The following SAMD11 variants were observed in gnomAD, a reference collection of about 807,000 sequenced individuals.
SAMD11 encodes the protein sterile alpha motif domain-containing protein 11.
SAMD11 carries 77 observed loss-of-function variants against 64.4 expected under a neutral mutation model. The ratio of observed to expected loss-of-function variants is 1.20; its 90% CI spans 0.99 to 1.44. SAMD11 has a LOEUF of 1.44. Ranked by LOEUF, SAMD11 falls within the 40% of genes most tolerant of loss-of-function variation. SAMD11 has a pLI of 0.00. For missense variants in SAMD11, 1,402 were observed against 943.3 expected (o/e 1.49, Z -6.37); for synonymous variants, 658 against 421.9 (o/e 1.56, Z -6.86).
At chr1:926,195 C>G (rs1005890752) in intron 2 of SAMD11, among the ~76,000 whole-genome samples, 182 bp downstream of exon 2, 4 of 152,194 alleles carry the variant, frequency 2.6e-5, no homozygotes, top group African/African-American at 9.6e-5. Flanking sequence ...TCTACCTGGA[C>G]GGGGGAGGAG....
chr1:930,947 G>C, intron 3 of SAMD11, 92 bp from the exon 4 acceptor site: 1 of 1,298,892 alleles, frequency 7.7e-7, no homozygotes, highest in Non-Finnish European at 1.1e-6. Context: ...GCGGGGCACT[G>C]ACCCGAGACA....
chr1:941,049 G>T, intron 7 of SAMD11, 95 bp from the exon 8 acceptor site: 1 of 1,205,488 alleles, frequency 8.3e-7, no homozygotes, highest in Non-Finnish European at 1.2e-6. Flanking sequence ...GAGTGGTGTG[G>T]TCAGTTCCCC....
chr1:928,875 G>A (rs745856637), intron 2 of SAMD11, among the ~76,000 whole-genome samples: 2 of 152,228 alleles, frequency 1.3e-5, no homozygotes, highest in Non-Finnish European at 2.9e-5. Flanking sequence ...GCATTTGAAG[G>A]TGATGGTGGT....
chr1:939,189 C>A (rs1641615283), intron 6 of SAMD11, 60 bp downstream of exon 6: 3 of 1,551,838 alleles, frequency 1.9e-6, no homozygotes, highest in South Asian at 2.4e-5. Context: ...CCCTGAGGGT[C>A]CCCTGGACCT....
At chr1:940,911 C>T (rs537258301) in intron 7 of SAMD11, among the ~76,000 whole-genome samples, 28 of 152,324 alleles carry the variant, frequency 1.8e-4, no homozygotes, top group Non-Finnish European at 3.8e-4. Context: ...CTCCAGGCAC[C>T]CGGCTCCCCT....
chr1:939,185 G>C (rs895838513), intron 6 of SAMD11, 56 bp downstream of exon 6: 2 of 1,551,462 alleles, frequency 1.3e-6, no homozygotes, highest in African/African-American at 2.7e-5. Context: ...CAGTCCCTGA[G>C]GGTCCCCTGG....
chr1:928,736 G>A (rs1002299722), intron 2 of SAMD11, among the ~76,000 whole-genome samples: 3 of 152,380 alleles, frequency 2.0e-5, no homozygotes, highest in Admixed American at 6.5e-5. Flanking sequence ...GGGACCCAGC[G>A]CAGGCCCAGT....
intron 5 of SAMD11, among the ~76,000 whole-genome samples, chr1:936,705 C>T (rs1641471179): frequency 1.3e-5 from 2 of 152,154 alleles, no homozygotes; most frequent in Admixed American, 1.3e-4. Flanking sequence ...GGCCCACCCC[C>T]ATCTGTGTCC....
chr1:931,072 C>T lies in SAMD11; in HGVS notation c.825C>T (p.Phe275=), dbSNP rs1641145088. 3 of 1,612,576 alleles carry T rather than the reference C, an allele frequency of 1.9e-6. No homozygotes were observed. Among genetic ancestry groups the T allele is most frequent in the African/African-American group, 2.7e-5 (2 of 74,930 alleles). ...VHTHWDVNIS[F]REASCSQDGN... is the part of the protein sequence containing the mutation. ...CCCACTGGGACGTGAACATCTCTTT[C>T]CGAGAGGCGTCCTGCAGGTAGGAGC... Residue 275 remains phenylalanine (F), a synonymous_variant, in exon 4 of 14, where the codon TTC becomes TTT. Transcript: ENST00000616016.
At position 944,222 on chromosome 1, in the gene SAMD11, T is replaced by A; in HGVS notation, c.*69T>A. ...CACCACTCAACACAATGGCCCTGCC[T>A]CCCACCGCTTTATTTCTTTCGGTTT... On this transcript the variant is annotated 3_prime_UTR_variant, in exon 14 of 14. Transcript: ENST00000616016. 1 of 1,468,308 alleles carries A rather than the reference T, an allele frequency of 6.8e-7. No individual in the cohort carries two copies. The allele number at this position is 1,468,308 out of a possible 1,614,324, so 91.0% of individuals were successfully genotyped here. A position where few individuals can be genotyped will look rare whatever the true frequency, so the allele number is the denominator to read the frequency against.
chr1:944,362 A>C lies in SAMD11; in HGVS notation c.*209A>C. Reference sequence around the variant, plus strand: ...TGGTGCAGATGGACGAGGTCTGCAGACGGAGGGCAGAGGTGGTGGAAGGGG... The same window carrying C: ...TGGTGCAGATGGACGAGGTCTGCAGCCGGAGGGCAGAGGTGGTGGAAGGGG... On this transcript the variant is annotated 3_prime_UTR_variant, in exon 14 of 14. Transcript: ENST00000616016. The C allele has an allele frequency of 7.3e-7, 1 of 1,360,964 alleles. No homozygotes were observed. The allele number at this position is 1,360,964 out of a possible 1,614,324, so 84.3% of individuals were successfully genotyped here.
At chr1:938,768 G>A (rs1557606785) in intron 5 of SAMD11, among the ~76,000 whole-genome samples, 1 of 152,328 alleles carries the variant, frequency 6.6e-6, no homozygotes, top group East Asian at 1.9e-4. Flanking sequence ...GCTAGATGGC[G>A]GGTGGGGCAG....
Position 943,930 on chromosome 1 carries a change from T to A in SAMD11, c.2312T>A (p.Val771Asp). 6.2e-7 allele frequency: 1 copy of A among 1,612,104 alleles called. No homozygotes were observed. The highest frequency in any genetic ancestry group is 8.5e-7 in the Non-Finnish European group (1 of 1,179,658). ...RAQVARRLGR[V>D]FYVASFPVAL... is the part of the protein sequence containing the mutation. ...CAGGTGGCCAGGCGCCTGGGCCGAG[T>A]TTTCTACGTGGCCAGCTTCCCCGTG... The change falls in exon 14 of 14, where the codon GTT becomes GAT. Residue 771 changes from valine (V) to aspartate (D), a missense_variant. Physicochemically the swap from Val to Asp is radical, Grantham distance 152. Coordinates refer to ENST00000616016, the MANE Select transcript of SAMD11 (RefSeq NM_001385641.1).
rs558379044 is a variant in SAMD11, at chr1:944,043, T to G, written c.2425T>G (p.Ser809Ala). ...EQPLSPTTAT[S>A]PYGGGHALAG... ...GCCCTTGTCCCCCACGACGGCCACGTCCCCCTATGGAGGGGGCCACGCCCT... is the reference window on the plus strand; with the variant it reads ...GCCCTTGTCCCCCACGACGGCCACGGCCCCCTATGGAGGGGGCCACGCCCT... Residue 809 changes from serine to alanine, a missense_variant, in exon 14 of 14, where the codon TCC (serine) becomes GCC (alanine). Coordinates refer to ENST00000616016, the MANE Select transcript of SAMD11 (RefSeq NM_001385641.1). The G allele has an allele frequency of 2.5e-6, 4 of 1,612,706 alleles. No homozygotes were observed. In the Admixed American group the frequency reaches 5.0e-5, roughly 20 times the overall value.
chr1:926,529 C>T (rs1640899668), intron 2 of SAMD11, among the ~76,000 whole-genome samples: 1 of 152,196 alleles, frequency 6.6e-6, no homozygotes, highest in Admixed American at 6.5e-5. Context: ...CCTAGGGACG[C>T]AGAGGCTAGC....
At chr1:943,109 C>G (rs760121373) in intron 11 of SAMD11, 51 bp downstream of exon 11, 4 of 1,553,134 alleles carry the variant, frequency 2.6e-6, no homozygotes, top group Non-Finnish European at 2.6e-6. Flanking sequence ...GACTGGCAGG[C>G]CGCCTGTGGA....
chr1:941,010 C>T (rs542954522), intron 7 of SAMD11, 134 bp from the exon 8 acceptor site: 3 of 755,514 alleles, frequency 4.0e-6, no homozygotes, highest in East Asian at 6.1e-5. Flanking sequence ...GCCCCGTGCC[C>T]GAGACCAGCC....
intron 5 of SAMD11, among the ~76,000 whole-genome samples, chr1:936,908 T>G (rs1193356364): frequency 6.6e-6 from 1 of 152,134 alleles, no homozygotes; most frequent in Non-Finnish European, 1.5e-5. Context: ...CCCTCCCCTG[T>G]GCCTTCACAC....
chr1:941,134 C>T lies in SAMD11; in HGVS notation c.1196-10C>T, dbSNP rs773607687. On this transcript the variant is annotated splice_polypyrimidine_tract_variant and intron_variant, in intron 7 of 13. Coordinates refer to ENST00000616016, the MANE Select transcript of SAMD11 (RefSeq NM_001385641.1). ...AGCCGGGGGGATCACTGCTGTTGTC[C>T]CCCACCCAGATCTCCTGAGGGTCCG... is the stretch of plus-strand genomic sequence containing the variant. The T allele has an allele frequency of 1.9e-6, 3 of 1,591,582 alleles. No homozygotes were observed. Among genetic ancestry groups the T allele is most frequent in the Non-Finnish European group, 2.6e-6 (3 of 1,170,082 alleles).
Sources: gnomAD v4.1 joint callset for allele counts (sites outside exome capture counted in the v4.1 genomes callset) on GRCh38, gnomAD v4.1.1 for gene constraint, MANE v1.5 for transcripts, NCBI Gene and HGNC (gene_info 2026-07-23, HGNC 2026-07-21) for gene names.